Variants in NEBL observed in about 807,000 individuals in gnomAD.
NEBL encodes LIM and SH3 protein 2.
Under a neutral mutation model 140.2 loss-of-function variants are expected in NEBL, and 122 were observed. The observed-to-expected ratio is 0.87, with a 90% CI of 0.75 to 1.01. The LOEUF (loss-of-function observed/expected upper bound fraction) is 1.01. NEBL is among the 50% of genes least tolerant of loss of function. NEBL has a pLI of 0.00. For synonymous variants in NEBL, 436 were observed against 398.9 expected, an observed-to-expected ratio of 1.09 and a Z score of -1.11; for missense variants, 1,365 against 1,231.3, an observed-to-expected ratio of 1.11 and a Z score of -1.62.
intron 2 of NEBL, among the ~76,000 whole-genome samples, chr10:21,139,801 G>A (rs551508830): frequency 3.3e-5 from 5 of 152,204 alleles, no homozygotes; most frequent in Non-Finnish European, 2.9e-5. Context: ...GAAAGCCACA[G>A]TATTAATAAC....
intron 2 of NEBL, among the ~76,000 whole-genome samples, chr10:21,110,172 G>C (rs1484461306): frequency 6.6e-6 from 1 of 152,040 alleles, no homozygotes; most frequent in Non-Finnish European, 1.5e-5. Context: ...GTCTAGCTTT[G>C]AGAATCAAGG....
intron 2 of NEBL, among the ~76,000 whole-genome samples, chr10:21,079,642 T>C (rs553372622): frequency 3.9e-4 from 59 of 152,282 alleles, no homozygotes; most frequent in Admixed American, 9.8e-4. Context: ...GCAGCTTCCC[T>C]CTCAATAAGA....
At chr10:21,252,769 G>A (rs7905100) in intron 1 of NEBL, among the ~76,000 whole-genome samples, 31,329 of 151,920 alleles carry the variant, frequency 0.21, 3,847 homozygotes, top group African/African-American at 0.33. Flanking sequence ...CAGCCTGACC[G>A]ACATAGAGAA....
chr10:20,823,079 A>T, intron 19 of NEBL, 129 bp downstream of exon 19: 2 of 669,794 alleles, frequency 3.0e-6, no homozygotes, highest in Admixed American at 4.9e-5. Context: ...TGCTAGCTCC[A>T]CTTTTAAGGA....
intron 2 of NEBL, among the ~76,000 whole-genome samples, chr10:21,115,750 G>A (rs1838255251): frequency 6.6e-6 from 1 of 151,782 alleles, no homozygotes; most frequent in African/African-American, 2.4e-5. Context: ...ATGATTTTCA[G>A]CAAATTTGGA....
rs554376799 is a variant in NEBL at position 21,161,165 on chromosome 10, G to A, written c.164+11218C>T. 1.1e-4 allele frequency among the ~76,000 whole-genome samples: 16 copies of A among 152,224 alleles called. No homozygotes were observed. In the East Asian group the frequency reaches 3.1e-3, roughly 29 times the overall value. The stretch of plus-strand genomic sequence containing the variant: ...CACACAGATCCTTATAGAAAGATAT[G>A]TCTATTGCTTCTTTTTTATTTTTAT... On this transcript the variant is annotated intron_variant, in intron 2 of 6. Coordinates refer to the NEBL transcript ENST00000417816.
At chr10:21,236,566 C>G (rs1842353679) in intron 3 of NEBL, among the ~76,000 whole-genome samples, 1 of 152,036 alleles carries the variant, frequency 6.6e-6, no homozygotes, top group Non-Finnish European at 1.5e-5. Context: ...CCAGGCTGGT[C>G]TCGAACTCCT....
At chr10:20,842,759 A>C (rs867471104) in intron 12 of NEBL, among the ~76,000 whole-genome samples, 7 of 151,990 alleles carry the variant, frequency 4.6e-5, no homozygotes, top group African/African-American at 1.7e-4. Flanking sequence ...TACTCTTAGC[A>C]ATTTTGAAGT....
chr10:21,083,430 A>G (rs1004115847), intron 2 of NEBL, among the ~76,000 whole-genome samples: 9 of 152,192 alleles, frequency 5.9e-5, no homozygotes, highest in African/African-American at 2.2e-4. Flanking sequence ...CAAGGGGTAC[A>G]CTGAGAACCA....
intron 20 of NEBL, chr10:20,819,166 G>A: frequency 1.2e-6 from 1 of 849,302 alleles, no homozygotes; most frequent in Non-Finnish European, 1.6e-6. Context: ...CATCACCCCG[G>A]CATTAAGCCC....
chr10:20,989,351 T>C (rs1297923509), intron 3 of NEBL, among the ~76,000 whole-genome samples: 1 of 152,214 alleles, frequency 6.6e-6, no homozygotes, highest in East Asian at 1.9e-4. Flanking sequence ...AAAACATGTC[T>C]TAGCCTTCAT....
chr10:21,085,494 G>A (rs1836581936), intron 2 of NEBL, among the ~76,000 whole-genome samples: 1 of 152,108 alleles, frequency 6.6e-6, no homozygotes, highest in Non-Finnish European at 1.5e-5. Flanking sequence ...AATTAGCCAA[G>A]CATAGTGGTG....
At chr10:20,808,703 G>A (rs200398022) in intron 25 of NEBL, 44 bp from the exon 26 acceptor site, 33 of 1,576,886 alleles carry the variant, frequency 2.1e-5, no homozygotes, top group South Asian at 8.9e-5. Context: ...TAAGTGACTC[G>A]AAAAACAAAA....
chr10:21,202,751 A>G (rs577948210), intron 3 of NEBL, among the ~76,000 whole-genome samples: 7 of 151,860 alleles, frequency 4.6e-5, no homozygotes, highest in South Asian at 2.1e-4. Context: ...GTGAGCCACC[A>G]CGCCCGGCCT....
At chr10:21,117,384 G>A (rs541384664) in intron 2 of NEBL, among the ~76,000 whole-genome samples, 36 of 152,132 alleles carry the variant, frequency 2.4e-4, no homozygotes, top group Middle Eastern at 6.8e-3. Flanking sequence ...CCTAACCTTG[G>A]TTAGATCTCT....
intron 3 of NEBL, among the ~76,000 whole-genome samples, chr10:20,971,412 T>C (rs1361819897): frequency 6.6e-6 from 1 of 152,020 alleles, no homozygotes; most frequent in African/African-American, 2.4e-5. Flanking sequence ...TAAATATAAA[T>C]AGCTTAATTC....
chr10:21,179,164 C>T (rs1467707066), upstream of NEBL, among the ~76,000 whole-genome samples: 3 of 152,132 alleles, frequency 2.0e-5, no homozygotes, highest in African/African-American at 7.2e-5. Context: ...CAAAAATAAA[C>T]CAAGCTTATA....
chr10:21,162,344 T>A (rs115728323), intron 2 of NEBL, among the ~76,000 whole-genome samples: 105 of 142,376 alleles, frequency 7.4e-4, no homozygotes, highest in African/African-American at 2.8e-3. Context: ...CAGCTAATTA[T>A]CAAATCTGAG....
At position 20,783,537 on chromosome 10, in the gene NEBL, T is replaced by A. The variant is rs1322692890; in HGVS notation, c.*2210A>T. 6.6e-6 allele frequency: 1 copy of A among 152,202 alleles called. No individual in the cohort carries two copies. Among genetic ancestry groups the A allele is most frequent in the East Asian group, 1.9e-4 (1 of 5,200 alleles). 9.4% of individuals were successfully genotyped at this position (152,202 alleles called of 1,614,324 possible). On this transcript the variant is annotated 3_prime_UTR_variant, in exon 28 of 28. Coordinates refer to ENST00000377122, the MANE Select transcript of NEBL (RefSeq NM_006393.3). ...TCGGTGGATGAAATTACTTTCCTGA[T>A]TACAAGCATTATTTCAAGTCAGTTT...
Sources: allele counts gnomAD v4.1 joint callset (sites outside exome capture counted in the v4.1 genomes callset), GRCh38; gene constraint gnomAD v4.1.1; transcripts MANE v1.5; gene names NCBI Gene and HGNC (gene_info 2026-07-23, HGNC 2026-07-21).